The following TAPBPL variants were observed in gnomAD, a reference collection of about 807,000 sequenced individuals.
TAPBPL encodes the protein TAP binding protein like, also known as tapasin-related protein.
TAPBPL carries 32 observed loss-of-function variants against 44.8 expected under a neutral mutation model. The observed-to-expected ratio is 0.71, with a 90% CI of 0.54 to 0.96. The LOEUF (loss-of-function observed/expected upper bound fraction) is 0.96. Among genes scored for constraint, TAPBPL ranks in the 40% least tolerant of loss-of-function variants. TAPBPL has a pLI of 0.00. For missense variants in TAPBPL, 520 were observed against 586.6 expected (o/e 0.89, Z 1.17); for synonymous variants, 230 against 240.7 (o/e 0.96, Z 0.41).
chr12:6,463,219 AG>A (rs1949926340), downstream of TAPBPL: 6 of 1,423,882 alleles, frequency 4.2e-6, no homozygotes, highest in Non-Finnish European at 5.5e-6. The surrounding 1 kb of genome is among the most constrained non-coding windows in gnomAD (Gnocchi z 4.0). Flanking sequence ...GGTGGTTCAA[AG>A]GGGAATATAC....
At chr12:6,455,487 C>T (rs772373228) in intron 3 of TAPBPL, among the ~76,000 whole-genome samples, 10 of 152,292 alleles carry the variant, frequency 6.6e-5, no homozygotes, top group Non-Finnish European at 1.5e-4. Context: ...TATAGTCTCA[C>T]CATCTCCCGA....
downstream of TAPBPL, chr12:6,462,427 CGAA>C (rs1949899054): frequency 2.1e-6 from 1 of 486,900 alleles, no homozygotes; most frequent in Non-Finnish European, 3.7e-6. Context: ...CATGGCAAAC[CGAA>C]GAACGGGATG....
At chr12:6,463,316 C>T (rs71584836), downstream of TAPBPL, 11,365 of 1,195,436 alleles carry the variant, frequency 9.5e-3, 76 homozygotes, top group Non-Finnish European at 0.01. The surrounding 1 kb of genome is among the most constrained non-coding windows in gnomAD (Gnocchi z 4.0). Flanking sequence ...CAGGCTGGCA[C>T]GCCTCCCCCC....
chr12:6,465,131 G>C, downstream of TAPBPL: 2 of 746,952 alleles, frequency 2.7e-6, no homozygotes, highest in South Asian at 1.7e-5. Flanking sequence ...ACCACAGTAT[G>C]TCTGTAGCTT....
At chr12:6,461,982 T>C in intron 6 of TAPBPL, 52 bp from the exon 7 acceptor site, 1 of 1,484,280 alleles carries the variant, frequency 6.7e-7, no homozygotes, top group South Asian at 1.2e-5. Context: ...CTGTGCTTGT[T>C]TGCCAGTGTG....
In TAPBPL at chr12:6,453,267, G is replaced by A; in HGVS notation, c.265G>A (p.Asp89Asn). Residue 89 changes from aspartate to asparagine, a missense_variant, in exon 2 of 7, where the codon GAT becomes AAT. Asp to Asn is a conservative substitution (Grantham distance 23, BLOSUM62 1). Transcript: ENST00000266556. The surrounding 1 kb of genome is among the most constrained non-coding windows in gnomAD (Gnocchi z 4.8). ...TTTCCAAGGGGGCACACTGGCCCAA[G>A]ATGACCCACCTATTATCTTTGAGGC... ...TDFQGGTLAQ[D>N]DPPIIFEASV... The A allele has an allele frequency of 6.2e-7, 1 of 1,614,072 alleles. No individual in the cohort carries two copies. The highest frequency in any genetic ancestry group is 1.1e-5 in the South Asian group (1 of 91,056).
upstream of TAPBPL, chr12:6,451,907 A>G: frequency 2.7e-6 from 1 of 370,854 alleles, no homozygotes; most frequent in Non-Finnish European, 5.0e-6. Context: ...CTTTTCCCAC[A>G]GTTATAGCTC....
At chr12:6,470,520 G>A, downstream of TAPBPL, 5 of 1,614,056 alleles carry the variant, frequency 3.1e-6, no homozygotes, top group Non-Finnish European at 4.2e-6. Flanking sequence ...CCACACCAGA[G>A]TCAACTCACA....
downstream of TAPBPL, chr12:6,466,497 T>C (rs1325736403): frequency 5.3e-6 from 4 of 756,676 alleles, no homozygotes; most frequent in Admixed American, 1.3e-4. Flanking sequence ...AGCCTGGGCA[T>C]CATAGCGAGA....
chr12:6,465,466 A>AGT (rs72418260), downstream of TAPBPL: 3,217 of 103,380 alleles, frequency 0.031, 179 homozygotes, highest in South Asian at 0.06. Flanking sequence ...GTGTATATAT[A>AGT]GTGTGTGTGT....
At chr12:6,458,197 G>A (rs1949751054) in intron 4 of TAPBPL, among the ~76,000 whole-genome samples, 1 of 152,154 alleles carries the variant, frequency 6.6e-6, no homozygotes, top group Admixed American at 6.5e-5. Context: ...CCAATACGGT[G>A]AAACTCCGTC....
intron 4 of TAPBPL, among the ~76,000 whole-genome samples, chr12:6,458,249 G>A (rs1328054851): frequency 3.3e-5 from 5 of 152,158 alleles, no homozygotes; most frequent in South Asian, 2.1e-4. Flanking sequence ...GGTGGTGCGC[G>A]CCTGTAGTCC....
At chr12:6,461,010 C>A in intron 6 of TAPBPL, 72 bp downstream of exon 6, 1 of 1,600,406 alleles carries the variant, frequency 6.2e-7, no homozygotes. Flanking sequence ...CCGCCCAGAC[C>A]AGGGTGGAAG....
chr12:6,465,386 GTATA>G (rs138439173), downstream of TAPBPL: 5 of 59,536 alleles, frequency 8.4e-5, 1 homozygote, highest in Non-Finnish European at 1.9e-4. Flanking sequence ...GTATATATAT[GTATA>G]TATATATATA....
At chr12:6,464,655 T>C, downstream of TAPBPL, 1 of 1,458,678 alleles carries the variant, frequency 6.9e-7, no homozygotes, top group African/African-American at 1.4e-5. Context: ...TAGCCCCACT[T>C]CCTCAGAACA....
At chr12:6,460,987 T>C in intron 6 of TAPBPL, 49 bp downstream of exon 6, 1 of 1,611,952 alleles carries the variant, frequency 6.2e-7, no homozygotes, top group Non-Finnish European at 8.5e-7. Flanking sequence ...CCTCACCCAC[T>C]CTAACCACCC....
chr12:6,462,437 G>A, downstream of TAPBPL: 2 of 491,216 alleles, frequency 4.1e-6, no homozygotes, highest in Non-Finnish European at 7.2e-6. Context: ...CGAAGAACGG[G>A]ATGTGGGAAG....
chr12:6,471,358 G>A (rs1049816683), downstream of TAPBPL, among the ~76,000 whole-genome samples: 7 of 152,110 alleles, frequency 4.6e-5, no homozygotes, highest in African/African-American at 1.7e-4. This position sits in a 1 kb window ranked among gnomAD's most constrained non-coding sequence, Gnocchi z 4.0. Context: ...CCAGAAACGT[G>A]GAAACCATCC....
In TAPBPL at chr12:6,453,649, G is replaced by A. The variant is rs762886267; in HGVS notation, c.498G>A (p.Lys166=). 1.9e-6 allele frequency: 3 copies of A among 1,613,758 alleles called. No individual in the cohort carries two copies. The South Asian group carries it at 3.3e-5, about 18-fold the overall frequency. The change falls in exon 3 of 7, where the codon AAG becomes AAA. Residue 166 remains lysine (K), a synonymous_variant. Transcript: ENST00000266556. This position sits in a 1 kb window ranked among gnomAD's most constrained non-coding sequence, Gnocchi z 4.8. ...TGATGAAGACTCCCAGGGTCACCAA[G>A]AATGAGGCGCTCTGGCACCCGACGC... ...SLVMKTPRVT[K]NEALWHPTLN...
Sources: gnomAD v4.1 joint callset for allele counts (sites outside exome capture counted in the v4.1 genomes callset) on GRCh38, gnomAD v4.1.1 for gene constraint, Gnocchi (gnomAD v3.1) non-coding constraint, MANE v1.5 for transcripts, NCBI Gene and HGNC (gene_info 2026-07-23, HGNC 2026-07-21) for gene names.